LIPA: variants seen among roughly 807,000 people sequenced by gnomAD.
The protein encoded by LIPA is lipase A, lysosomal acid type, also known as lysosomal acid lipase/cholesteryl ester hydrolase.
A neutral mutation model predicts 40.6 loss-of-function variants in LIPA; 26 were observed. The ratio of observed to expected loss-of-function variants is 0.64; its 90% CI spans 0.47 to 0.89. The LOEUF (loss-of-function observed/expected upper bound fraction) is 0.89, where lower values mean the gene tolerates loss of function less well. Among genes scored for constraint, LIPA ranks in the 40% least tolerant of loss-of-function variants. LIPA has a pLI of 0.00. For missense variants in LIPA, 455 were observed against 479.6 expected, an observed-to-expected ratio of 0.95 and a Z score of 0.48; for synonymous variants, 188 against 168.4, an observed-to-expected ratio of 1.12 and a Z score of -0.90.
At chr10:89,318,477 T>C (rs559274585) in intron 1 of LIPA, among the ~76,000 whole-genome samples, 1 of 152,254 alleles carries the variant, frequency 6.6e-6, no homozygotes, top group African/African-American at 2.4e-5. Flanking sequence ...GGCCATTACA[T>C]AATGGTAAAG....
At chr10:89,413,606 AAAAT>A (rs1239261267) in intron 1 of LIPA, among the ~76,000 whole-genome samples, 3 of 152,056 alleles carry the variant, frequency 2.0e-5, no homozygotes, top group African/African-American at 4.8e-5. Context: ...GCCTCTACAA[AAAAT>A]AAATTAATTA....
In LIPA at chr10:89,341,532, G is replaced by C. The variant is rs188462180; in HGVS notation, c.-2+1079C>G. Among the ~76,000 whole-genome samples, 188 of 152,276 alleles carry C rather than the reference G, an allele frequency of 1.2e-3. 1 individual carries two copies. The highest frequency in any genetic ancestry group is 1.9e-3 in the South Asian group (9 of 4,822). The stretch of plus-strand genomic sequence containing the variant: ...CAAAGGTGTAAACAGAAAGGTAAAA[G>C]TATATAAATGTATAAGATGATCATT... On this transcript the variant is annotated intron_variant, in intron 1 of 5. Coordinates refer to the LIPA transcript ENST00000282673.
At chr10:89,277,667 T>C (rs565294365) in intron 1 of LIPA, among the ~76,000 whole-genome samples, 2 of 152,354 alleles carry the variant, frequency 1.3e-5, no homozygotes, top group Admixed American at 6.5e-5. Context: ...TGAAAAATTA[T>C]TGGCAATTAT....
At chr10:89,328,142 T>C (rs1048384691) in intron 1 of LIPA, 27 of 1,475,206 alleles carry the variant, frequency 1.8e-5, no homozygotes, top group African/African-American at 4.2e-5. Flanking sequence ...TTGAGTTTCT[T>C]ACTGTGCAGG....
upstream of LIPA, among the ~76,000 whole-genome samples, chr10:89,256,560 T>A (rs1053607448): frequency 1.3e-5 from 2 of 152,212 alleles, no homozygotes; most frequent in African/African-American, 4.8e-5. Flanking sequence ...AAGTGAGTAC[T>A]GAGAAACGAG....
At chr10:89,403,661 G>T (rs776325161) in intron 2 of LIPA, 3 of 1,608,788 alleles carry the variant, frequency 1.9e-6, no homozygotes, top group Non-Finnish European at 2.5e-6. Flanking sequence ...ACTATGAGCG[G>T]GCCCTGAGAC....
intron 1 of LIPA, among the ~76,000 whole-genome samples, chr10:89,301,182 A>C (rs1308090808): frequency 6.6e-6 from 1 of 152,232 alleles, no homozygotes; most frequent in Non-Finnish European, 1.5e-5. Context: ...TTCATAGCAT[A>C]AAGGTGGAAG....
chr10:89,252,374 T>G (rs1257149280), upstream of LIPA, among the ~76,000 whole-genome samples: 3 of 152,174 alleles, frequency 2.0e-5, no homozygotes, highest in African/African-American at 4.8e-5. Context: ...ACAGTGGAGG[T>G]ATAGAAACCA....
rs1430480755 is a variant in LIPA at position 89,222,500 on chromosome 10, G to A, written c.894+11C>T. On this transcript the variant is annotated intron_variant, in intron 8 of 9. Coordinates refer to ENST00000336233, the MANE Select transcript of LIPA (RefSeq NM_000235.4). ...TTACATGAACCCCAAATGCACTCCT[G>A]GAATGCCTACCTGGCTCCAGTGTAA... 2.5e-6 allele frequency: 4 copies of A among 1,583,386 alleles called. No homozygotes were observed. The East Asian group carries it at 8.9e-5, about 35-fold the overall frequency.
intron 1 of LIPA, among the ~76,000 whole-genome samples, chr10:89,316,169 G>A (rs1259595830): frequency 6.6e-6 from 1 of 152,148 alleles, no homozygotes; most frequent in Non-Finnish European, 1.5e-5. Context: ...GCAGAAGATG[G>A]TAGTTTCTGC....
chr10:89,331,821 T>G (rs1382514496), intron 1 of LIPA, among the ~76,000 whole-genome samples: 1 of 140,862 alleles, frequency 7.1e-6, no homozygotes, highest in Non-Finnish European at 1.5e-5. Flanking sequence ...ATCGTGCTAC[T>G]GCACTCCAGC....
chr10:89,253,246 A>G (rs1374687106), upstream of LIPA, among the ~76,000 whole-genome samples: 3 of 152,200 alleles, frequency 2.0e-5, no homozygotes, highest in Non-Finnish European at 4.4e-5. Context: ...TGCTGCTAAT[A>G]AAGACATACC....
rs769211445 is a variant in LIPA, at chr10:89,307,327, G to A, written c.-2+35284C>T. On this transcript the variant is annotated intron_variant, in intron 1 of 5. Coordinates refer to the LIPA transcript ENST00000282673. ...CAGATGAAGACTCTGAGAGGGGTTTGGAGTCTGGAAGCCTCATCCCTTCAG... is the reference window on the plus strand; with the variant it reads ...CAGATGAAGACTCTGAGAGGGGTTTAGAGTCTGGAAGCCTCATCCCTTCAG... 1.6e-5 allele frequency: 25 copies of A among 1,612,370 alleles called. No homozygotes were observed. The East Asian group carries it at 5.6e-4, about 36-fold the overall frequency.
chr10:89,349,381 G>A (rs1369998998), intron 2 of LIPA, among the ~76,000 whole-genome samples: 4 of 152,128 alleles, frequency 2.6e-5, no homozygotes, highest in South Asian at 2.1e-4. Context: ...GGTTTGGGGC[G>A]TTAACTTTCC....
At chr10:89,278,703 T>C (rs973007001) in intron 1 of LIPA, among the ~76,000 whole-genome samples, 1 of 152,120 alleles carries the variant, frequency 6.6e-6, no homozygotes, top group African/African-American at 2.4e-5. Context: ...TCTCATAAAA[T>C]ATAATTGAAT....
chr10:89,387,602 C>CA (rs1363534199), intron 2 of LIPA, among the ~76,000 whole-genome samples: 6 of 152,090 alleles, frequency 3.9e-5, no homozygotes, highest in Non-Finnish European at 1.5e-5. Flanking sequence ...AAAGGGACAG[C>CA]AATAGGAGCC....
intron 1 of LIPA, among the ~76,000 whole-genome samples, chr10:89,290,604 G>A (rs930236960): frequency 9.9e-5 from 15 of 152,160 alleles, no homozygotes; most frequent in Non-Finnish European, 1.9e-4. Flanking sequence ...AAGTGAAAAC[G>A]TCCTGTCCCT....
chr10:89,306,046 C>G (rs758065657), intron 1 of LIPA: 5 of 1,614,078 alleles, frequency 3.1e-6, no homozygotes, highest in Non-Finnish European at 4.2e-6. Flanking sequence ...GAGAAAACTC[C>G]TTGGATGATT....
intron 3 of LIPA, among the ~76,000 whole-genome samples, chr10:89,237,656 C>G (rs1842921390): frequency 6.6e-6 from 1 of 152,176 alleles, no homozygotes; most frequent in African/African-American, 2.4e-5. Flanking sequence ...AGCTGTCAGT[C>G]TTTTGGCTGT....
Sources: gnomAD v4.1 joint callset for allele counts (sites outside exome capture counted in the v4.1 genomes callset) on GRCh38, gnomAD v4.1.1 for gene constraint, MANE v1.5 for transcripts, NCBI Gene and HGNC (gene_info 2026-07-23, HGNC 2026-07-21) for gene names.